The following MACROH2A1 variants were observed in gnomAD, a reference collection of about 807,000 sequenced individuals.
MACROH2A1 encodes core histone macro-H2A.1.
Under a neutral mutation model 31.6 loss-of-function variants are expected in MACROH2A1, and 2 were observed. That is an observed-to-expected ratio of 0.06 (90% confidence interval 0.03 to 0.20). The LOEUF (loss-of-function observed/expected upper bound fraction) is 0.20. Ranked by LOEUF, MACROH2A1 falls within the 10% of genes least tolerant of loss-of-function variation. The pLI is 1.00. For missense variants in MACROH2A1, 230 were observed against 474.0 expected (o/e 0.49, Z 4.78); for synonymous variants, 169 against 189.6 (o/e 0.89, Z 0.89).
At chr5:135,343,104 T>A (rs1254628421) in intron 8 of MACROH2A1, 156 bp downstream of exon 8, 1 of 1,528,902 alleles carries the variant, frequency 6.5e-7, no homozygotes, top group Admixed American at 1.9e-5. Context: ...CTCACCATCA[T>A]TTAATGTCTG....
At chr5:135,336,621 G>A (rs952589830) in intron 8 of MACROH2A1, among the ~76,000 whole-genome samples, 2 of 146,748 alleles carry the variant, frequency 1.4e-5, no homozygotes, top group Non-Finnish European at 1.5e-5. Flanking sequence ...CTTCCTCCCG[G>A]GAGACCCTGG....
rs1758411941 is a variant in MACROH2A1 at position 135,335,042 on chromosome 5, G to A, written c.1053C>T (p.Phe351=). 1.2e-6 allele frequency: 2 copies of A among 1,613,774 alleles called. No homozygotes were observed. The highest frequency in any genetic ancestry group is 1.7e-6 in the Non-Finnish European group (2 of 1,179,638). Residue 351 remains phenylalanine (F), a synonymous_variant, in exon 9 of 9, where the codon TTC becomes TTT. Transcript: ENST00000511689. ...CTATACTCTCGCTGTCAAAAAGCAC[G>A]AAGTACACCGTTTTGATGGAAGAGG... ...TMSSSIKTVY[F]VLFDSESIGI...
intron 2 of MACROH2A1, among the ~76,000 whole-genome samples, chr5:135,372,395 C>T (rs997321412): frequency 9.2e-5 from 14 of 152,228 alleles, no homozygotes; most frequent in East Asian, 5.8e-4. Flanking sequence ...GTCTCCACAA[C>T]GCTATTCCCT....
intron 5 of MACROH2A1, chr5:135,355,717 T>C (rs1581200043): frequency 5.0e-6 from 1 of 199,390 alleles, no homozygotes. Context: ...ACGAAGACAG[T>C]AGCTCCACTA....
intron 8 of MACROH2A1, among the ~76,000 whole-genome samples, chr5:135,336,186 G>C (rs1360651272): frequency 3.3e-5 from 5 of 152,226 alleles, no homozygotes; most frequent in Non-Finnish European, 7.3e-5. Context: ...TCCAGAGGTG[G>C]TAAGGTGGGT....
chr5:135,379,891 A>C (rs1336357445), intron 2 of MACROH2A1, among the ~76,000 whole-genome samples: 1 of 151,814 alleles, frequency 6.6e-6, no homozygotes, highest in Non-Finnish European at 1.5e-5. Flanking sequence ...TATTGCCGAG[A>C]CCTCCTCTGT....
At position 135,334,748 on chromosome 5, in the gene MACROH2A1, G is replaced by A. The variant is rs967739606; in HGVS notation, c.*228C>T. Reference sequence around the variant, plus strand: ...CCTAGGTTACACTAAGTCAGACACGGTCTGGAACACAGTGCTTAACAACAG... The same window carrying A: ...CCTAGGTTACACTAAGTCAGACACGATCTGGAACACAGTGCTTAACAACAG... On this transcript the variant is annotated 3_prime_UTR_variant, in exon 9 of 9. Transcript: ENST00000511689. 8.2e-6 allele frequency: 4 copies of A among 487,568 alleles called. No homozygotes were observed. The highest frequency in any genetic ancestry group is 6.5e-5 in the East Asian group (2 of 30,548). 30.2% of individuals were successfully genotyped at this position (487,568 alleles called of 1,614,324 possible). A position where few individuals can be genotyped will look rare whatever the true frequency, so the allele number is the denominator to read the frequency against.
intron 2 of MACROH2A1, among the ~76,000 whole-genome samples, chr5:135,383,638 T>A (rs1269150008): frequency 6.6e-6 from 1 of 152,100 alleles, no homozygotes; most frequent in Non-Finnish European, 1.5e-5. Flanking sequence ...TAAAATTCTT[T>A]AAGAATTCTT....
chr5:135,358,027 G>A (rs1762387687), intron 5 of MACROH2A1: 1 of 982,906 alleles, frequency 1.0e-6, no homozygotes, highest in African/African-American at 1.7e-5. Context: ...GTACCATATA[G>A]TCACCATTCT....
intron 6 of MACROH2A1, among the ~76,000 whole-genome samples, chr5:135,352,086 T>G (rs1034375225): frequency 1.1e-4 from 16 of 152,268 alleles, no homozygotes; most frequent in Non-Finnish European, 2.2e-4. Context: ...GTCTGCTATC[T>G]GACAAAAACA....
At chr5:135,380,879 A>G (rs1018320003) in intron 2 of MACROH2A1, among the ~76,000 whole-genome samples, 11 of 152,254 alleles carry the variant, frequency 7.2e-5, no homozygotes, top group Non-Finnish European at 1.5e-4. Flanking sequence ...TGAAAATGCA[A>G]AAGAGCCCAA....
chr5:135,374,138 C>T (rs1387494341), intron 2 of MACROH2A1, among the ~76,000 whole-genome samples: 3 of 152,148 alleles, frequency 2.0e-5, no homozygotes, highest in Non-Finnish European at 4.4e-5. Flanking sequence ...TCATCCCCTG[C>T]CAACCATCAG....
chr5:135,376,733 G>T (rs1205385298), intron 2 of MACROH2A1, among the ~76,000 whole-genome samples: 3 of 152,164 alleles, frequency 2.0e-5, no homozygotes, highest in African/African-American at 7.2e-5. Flanking sequence ...GATACCTGAG[G>T]TTACCTCTAG....
intron 2 of MACROH2A1, among the ~76,000 whole-genome samples, chr5:135,381,586 G>T (rs1248919168): frequency 1.3e-5 from 2 of 152,068 alleles, no homozygotes; most frequent in Admixed American, 6.5e-5. Context: ...GTGCACTCCA[G>T]CCTGGACAAC....
intron 6 of MACROH2A1, among the ~76,000 whole-genome samples, chr5:135,349,889 TAGA>T (rs1561587221): frequency 6.6e-6 from 1 of 152,180 alleles, no homozygotes; most frequent in Non-Finnish European, 1.5e-5. Flanking sequence ...CATTACTTAA[TAGA>T]TAGGGAACCT....
At chr5:135,351,828 G>A (rs968653256) in intron 6 of MACROH2A1, among the ~76,000 whole-genome samples, 2 of 151,702 alleles carry the variant, frequency 1.3e-5, no homozygotes, top group African/African-American at 2.4e-5. Flanking sequence ...CTCCCAAAAC[G>A]CTGGAGTTAC....
intron 8 of MACROH2A1, among the ~76,000 whole-genome samples, chr5:135,340,584 C>T (rs1269568174): frequency 1.3e-5 from 2 of 152,198 alleles, no homozygotes; most frequent in African/African-American, 4.8e-5. Context: ...CTGGAGGGAG[C>T]CATCACACAG....
At position 135,360,575 on chromosome 5, in the gene MACROH2A1, G is replaced by A. The variant is rs759800704; in HGVS notation, c.510C>T (p.Ser170=). The A allele has an allele frequency of 1.9e-6, 3 of 1,613,660 alleles. No individual in the cohort carries two copies. The highest frequency in any genetic ancestry group is 2.2e-5 in the South Asian group (2 of 91,080). ...GTGTGCCCTCGGTTGTGCTGTCGGC[G>A]CTGGCTGCCTTACTGACTTCACCCT... ...KKQGEVSKAA[S]ADSTTEGTPA... The change falls in exon 5 of 9, where the codon AGC becomes AGT. Residue 170 remains serine, a synonymous_variant. Coordinates refer to ENST00000511689, the MANE Select transcript of MACROH2A1 (RefSeq NM_138610.3).
intron 8 of MACROH2A1, among the ~76,000 whole-genome samples, chr5:135,342,386 A>C (rs1276594542): frequency 1.3e-5 from 2 of 152,242 alleles, no homozygotes; most frequent in African/African-American, 4.8e-5. Flanking sequence ...CCAAGCCAGG[A>C]TGCAACTCCA....
Sources: gnomAD v4.1 joint callset for allele counts (sites outside exome capture counted in the v4.1 genomes callset) on GRCh38, gnomAD v4.1.1 for gene constraint, MANE v1.5 for transcripts, NCBI Gene and HGNC (gene_info 2026-07-23, HGNC 2026-07-21) for gene names.